Variants in FAT3 observed in about 807,000 individuals in gnomAD.
The protein encoded by FAT3 is FAT atypical cadherin 3.
In FAT3, 95 loss-of-function variants were observed where a neutral mutation model predicts 310.2. That is an observed-to-expected ratio of 0.31 (90% CI 0.26 to 0.36). The LOEUF (loss-of-function observed/expected upper bound fraction) is 0.36. FAT3 is among the 10% of genes least tolerant of loss of function. FAT3 has a pLI of 1.00. For synonymous variants in FAT3, 2,314 were observed against 2,192.9 expected (o/e 1.06, Z -1.54); for missense variants, 5,408 against 5,715.6 (o/e 0.95, Z 1.74).
chr11:92,671,331 C>T (rs918117480), intron 3 of FAT3, among the ~76,000 whole-genome samples: 1 of 152,104 alleles, frequency 6.6e-6, no homozygotes, highest in Admixed American at 6.5e-5. Flanking sequence ...GGTGTGTTGA[C>T]TCACACTTTG....
At chr11:92,236,401 C>G (rs530410693) in intron 1 of FAT3, among the ~76,000 whole-genome samples, 3 of 150,860 alleles carry the variant, frequency 2.0e-5, no homozygotes, top group East Asian at 3.9e-4. Context: ...TTTTTTTGTT[C>G]AATTACACTG....
chr11:92,623,596 T>G (rs976179556), intron 3 of FAT3, among the ~76,000 whole-genome samples: 2 of 152,112 alleles, frequency 1.3e-5, no homozygotes, highest in Non-Finnish European at 2.9e-5. Context: ...ATGGTGTGGG[T>G]TTTTTAATTA....
intron 2 of FAT3, among the ~76,000 whole-genome samples, chr11:92,506,875 C>T (rs185614123): frequency 3.3e-5 from 5 of 152,280 alleles, no homozygotes; most frequent in African/African-American, 1.2e-4. Context: ...TTTTAAAGAA[C>T]TAGTCTATCT....
Position 92,355,011 on chromosome 11 carries a change from C to A in FAT3, c.2899C>A (p.Leu967Met). The A allele has an allele frequency of 2.5e-6, 4 of 1,613,504 alleles. No homozygotes were observed. Among genetic ancestry groups the A allele is most frequent in the Non-Finnish European group, 3.4e-6 (4 of 1,179,782 alleles). ...TGAGACCCATGATCCAGATCTTGGA[C>A]TGGGGGGTCAAGTGCGCTATTCTTT... ...WLETHDPDLG[L>M]GGQVRYSLVN... The change falls in exon 2 of 28, where the codon CTG (leucine) becomes ATG (methionine). Residue 967 changes from leucine to methionine, a missense_variant. Physicochemically the swap from Leu to Met is conservative, Grantham distance 15. This residue lies in a region of FAT3 where 4,588 missense variants were observed against 4,809.8 expected (regional missense o/e 0.95). Transcript: ENST00000525166.
At chr11:92,603,430 A>G (rs181583877) in intron 3 of FAT3, among the ~76,000 whole-genome samples, 5 of 152,360 alleles carry the variant, frequency 3.3e-5, no homozygotes, top group African/African-American at 1.2e-4. Flanking sequence ...TATTTCAATA[A>G]AAGATTTTTG....
At chr11:92,329,381 C>CT (rs1947848840) in intron 1 of FAT3, among the ~76,000 whole-genome samples, 1 of 151,990 alleles carries the variant, frequency 6.6e-6, no homozygotes, top group Non-Finnish European at 1.5e-5. Context: ...CTCTTGCTTC[C>CT]TCTCCTGCCA....
chr11:92,436,115 T>A (rs189316483), intron 2 of FAT3, among the ~76,000 whole-genome samples: 179 of 152,262 alleles, frequency 1.2e-3, no homozygotes, highest in African/African-American at 4.1e-3. Flanking sequence ...CTTGCTTTTT[T>A]AAATTTTTCT....
chr11:92,737,029 A>T (rs1473955315), intron 4 of FAT3, among the ~76,000 whole-genome samples: 7 of 151,946 alleles, frequency 4.6e-5, no homozygotes, highest in South Asian at 2.1e-4. Flanking sequence ...GTGATGGCTA[A>T]TTTTTTTTCT....
intron 1 of FAT3, among the ~76,000 whole-genome samples, chr11:92,281,953 T>C (rs1229444038): frequency 1.3e-5 from 2 of 152,084 alleles, no homozygotes; most frequent in African/African-American, 4.8e-5. Flanking sequence ...TTGCCCAGAC[T>C]AGAGTGCAGT....
chr11:92,472,536 C>T (rs1951935600), intron 2 of FAT3, among the ~76,000 whole-genome samples: 1 of 152,172 alleles, frequency 6.6e-6, no homozygotes, highest in South Asian at 2.1e-4. Context: ...AAAAATAAAA[C>T]TGCCTAGCTC....
chr11:92,595,439 G>A (rs1417185139), intron 3 of FAT3, among the ~76,000 whole-genome samples: 3 of 152,176 alleles, frequency 2.0e-5, no homozygotes, highest in Admixed American at 2.0e-4. Flanking sequence ...GCTTTTAACA[G>A]GCTGTGGTTA....
chr11:92,445,485 T>C (rs1041015613), intron 2 of FAT3, among the ~76,000 whole-genome samples: 2 of 152,112 alleles, frequency 1.3e-5, no homozygotes, highest in Admixed American at 1.3e-4. Flanking sequence ...TTCCATCCAC[T>C]GTCTGGCTTG....
Position 92,797,837 on chromosome 11 carries a change from G to A in FAT3, c.4824G>A (p.Gly1608=), listed in dbSNP as rs777391743. ...NAELIYTIEA[G]NTGNMFKIEP... is the part of the protein sequence containing the mutation. ...TCACCATTGATTTCTGTATTTTAGG[G>A]AACACTGGGAACATGTTTAAGATCG... is the stretch of plus-strand genomic sequence containing the variant. Residue 1608 remains glycine (G), a splice_region_variant and synonymous_variant, in exon 10 of 28, where the codon GGG becomes GGA. Coordinates refer to ENST00000525166, the MANE Select transcript of FAT3 (RefSeq NM_001367949.2). 2 of 1,604,946 alleles carry A rather than the reference G, an allele frequency of 1.2e-6. No homozygotes were observed. The highest frequency in any genetic ancestry group is 1.3e-5 in the African/African-American group (1 of 74,654).
intron 1 of FAT3, among the ~76,000 whole-genome samples, chr11:92,252,586 G>A (rs1865177555): frequency 6.6e-6 from 1 of 152,188 alleles, no homozygotes. Flanking sequence ...AATTTACTTG[G>A]CTGCAAGCAC....
At chr11:92,234,331 A>G (rs1331726390) in intron 1 of FAT3, among the ~76,000 whole-genome samples, 1 of 152,244 alleles carries the variant, frequency 6.6e-6, no homozygotes, top group Admixed American at 6.5e-5. Context: ...TAATAAAATG[A>G]AAGAGTTTGA....
At chr11:92,373,444 A>G (rs779033410) in intron 2 of FAT3, among the ~76,000 whole-genome samples, 13 of 152,066 alleles carry the variant, frequency 8.5e-5, no homozygotes, top group Non-Finnish European at 1.5e-4. Flanking sequence ...TCCCGACCAC[A>G]TACTCCTCTT....
chr11:92,231,387 T>C (rs895843969), intron 1 of FAT3, among the ~76,000 whole-genome samples: 42 of 152,346 alleles, frequency 2.8e-4, no homozygotes, highest in Admixed American at 1.8e-3. Context: ...GGCAGACTTT[T>C]ACCTTGGACG....
Position 92,809,855 on chromosome 11 carries a change from C to T in FAT3, c.9260C>T (p.Thr3087Ile). Residue 3087 changes from threonine (T) to isoleucine (I), a missense_variant, in exon 13 of 28, where the codon ACC becomes ATC. Around this residue, in one of 5 missense-constraint regions of FAT3, gnomAD observed 4,588 missense variants for 4,809.8 expected, o/e 0.95. Coordinates refer to ENST00000525166, the MANE Select transcript of FAT3 (RefSeq NM_001367949.2). ...FLDPESGELK[T>I]LALLDRERIP... ...TTTATTTTCACAGGCGAGTTAAAAACCTTGGCTCTGTTGGACCGGGAGAGG... is the reference window on the plus strand; with the variant it reads ...TTTATTTTCACAGGCGAGTTAAAAATCTTGGCTCTGTTGGACCGGGAGAGG... 6.2e-7 allele frequency: 1 copy of T among 1,612,972 alleles called. No homozygotes were observed. Among genetic ancestry groups the T allele is most frequent in the South Asian group, 1.1e-5 (1 of 91,008 alleles).
At chr11:92,679,105 T>C (rs530484462) in intron 3 of FAT3, among the ~76,000 whole-genome samples, 1 of 152,276 alleles carries the variant, frequency 6.6e-6, no homozygotes, top group African/African-American at 2.4e-5. Flanking sequence ...TCCAGTTCCA[T>C]CCATGTCGCT....
Sources: gnomAD v4.1 joint callset for allele counts (sites outside exome capture counted in the v4.1 genomes callset) on GRCh38, gnomAD v4.1.1 for gene constraint, gnomAD v4.1.1 regional missense constraint, MANE v1.5 for transcripts, NCBI Gene and HGNC (gene_info 2026-07-23, HGNC 2026-07-21) for gene names.